Variants in RELL1 observed in about 807,000 individuals in gnomAD.
RELL1 encodes the protein RELT like 1.
A neutral mutation model predicts 23.0 loss-of-function variants in RELL1; 10 were observed. That is an observed-to-expected ratio of 0.43 (90% CI 0.27 to 0.74). RELL1 has a LOEUF of 0.74. Among genes scored for constraint, RELL1 ranks in the 30% least tolerant of loss-of-function variants. The probability of loss-of-function intolerance (pLI) is 0.19; values close to 1 mark genes in which losing one functional copy is unlikely to be tolerated. For missense variants in RELL1, 315 were observed against 364.4 expected, an observed-to-expected ratio of 0.86 and a Z score of 1.10; for synonymous variants, 146 against 146.8, an observed-to-expected ratio of 0.99 and a Z score of 0.04.
At chr4:37,684,272 C>T (rs536723204) in intron 1 of RELL1, among the ~76,000 whole-genome samples, 1 of 151,836 alleles carries the variant, frequency 6.6e-6, no homozygotes, top group South Asian at 2.1e-4. Flanking sequence ...TTACACACGC[C>T]TCAAGATACT....
intron 6 of RELL1, among the ~76,000 whole-genome samples, chr4:37,604,810 G>GACACACACACAGACACACACAC (rs1553871520): frequency 6.8e-5 from 5 of 73,598 alleles, no homozygotes; most frequent in East Asian, 9.1e-4. Flanking sequence ...CACACACACA[G>GACACACACACAGACACACACAC]ACACACACAC....
chr4:37,685,596 T>C (rs1334352975), intron 1 of RELL1, among the ~76,000 whole-genome samples: 1 of 152,178 alleles, frequency 6.6e-6, no homozygotes, highest in East Asian at 1.9e-4. Flanking sequence ...GAAAAAAATG[T>C]AAGTTTACCA....
intron 1 of RELL1, among the ~76,000 whole-genome samples, chr4:37,669,359 T>TG (rs948085961): frequency 8.7e-5 from 8 of 91,548 alleles, no homozygotes; most frequent in East Asian, 7.2e-4. Context: ...GGGAGGGAGG[T>TG]GGGGGGGTCA....
At chr4:37,643,318 G>A (rs1166906333) in intron 3 of RELL1, among the ~76,000 whole-genome samples, 1 of 152,214 alleles carries the variant, frequency 6.6e-6, no homozygotes, top group Non-Finnish European at 1.5e-5. Context: ...CATCCTTCAA[G>A]AGATATTTAT....
rs149046029 is a variant in RELL1, at chr4:37,628,516, T to C, written c.*3+2869A>G. Among the ~76,000 whole-genome samples the C allele has an allele frequency of 5.6e-3, 850 of 152,296 alleles. 14 individuals are homozygous for C. The highest frequency in any genetic ancestry group is 0.019 in the African/African-American group (805 of 41,572). ...GGACATCCATGATACTATTCTACTT[T>C]TGAGTTTAAAATTTTTCATAACGAA... On this transcript the variant is annotated intron_variant, in intron 6 of 6. Transcript: ENST00000454158.
intron 4 of RELL1, among the ~76,000 whole-genome samples, chr4:37,636,053 T>C (rs1720318128): frequency 6.6e-6 from 1 of 152,236 alleles, no homozygotes; most frequent in Admixed American, 6.5e-5. Flanking sequence ...TTAATCCTTA[T>C]AAAATCTTAT....
At chr4:37,595,950 A>G (rs1019830846) in intron 6 of RELL1, among the ~76,000 whole-genome samples, 1 of 152,230 alleles carries the variant, frequency 6.6e-6, no homozygotes, top group Non-Finnish European at 1.5e-5. Context: ...ATATTCGTGT[A>G]ATGACATCCA....
downstream of RELL1, chr4:37,588,837 C>G (rs777473074): frequency 2.5e-6 from 4 of 1,605,252 alleles, no homozygotes; most frequent in South Asian, 4.4e-5. Context: ...TTTACGCTTT[C>G]TTTTCCAGGT....
chr4:37,667,779 G>A (rs139959664), intron 1 of RELL1, among the ~76,000 whole-genome samples: 2 of 151,838 alleles, frequency 1.3e-5, no homozygotes, highest in African/African-American at 4.8e-5. Flanking sequence ...TAATTCTGCT[G>A]CCATTTGTAA....
At chr4:37,598,762 A>G (rs1718943334) in intron 6 of RELL1, among the ~76,000 whole-genome samples, 1 of 151,840 alleles carries the variant, frequency 6.6e-6, no homozygotes, top group Non-Finnish European at 1.5e-5. Flanking sequence ...TCAGCTCACT[A>G]TAACCTCTGC....
chr4:37,644,006 CAGG>C (rs1046522965), intron 3 of RELL1, among the ~76,000 whole-genome samples: 1 of 152,092 alleles, frequency 6.6e-6, no homozygotes, highest in African/African-American at 2.4e-5. Context: ...AAGGCATGGA[CAGG>C]AGAAGAGGGG....
At chr4:37,678,024 G>A (rs1455856811) in intron 1 of RELL1, among the ~76,000 whole-genome samples, 2 of 152,142 alleles carry the variant, frequency 1.3e-5, no homozygotes, top group African/African-American at 4.8e-5. Context: ...TAAAAAAAGA[G>A]GTTTAATTGG....
intron 6 of RELL1, 69 bp downstream of exon 6, chr4:37,631,316 G>A: frequency 1.3e-6 from 2 of 1,501,934 alleles, no homozygotes; most frequent in Non-Finnish European, 1.8e-6. Flanking sequence ...ACAGCACCTG[G>A]GAGGCTCCAA....
At chr4:37,617,930 T>A (rs1232677986) in intron 6 of RELL1, among the ~76,000 whole-genome samples, 2 of 152,186 alleles carry the variant, frequency 1.3e-5, no homozygotes, top group Admixed American at 6.5e-5. Context: ...TTATCACACC[T>A]GTTAAGGAAT....
intron 6 of RELL1, among the ~76,000 whole-genome samples, chr4:37,603,546 G>A (rs1719072779): frequency 6.6e-6 from 1 of 152,272 alleles, no homozygotes; most frequent in South Asian, 2.1e-4. Context: ...TAAATCGCGC[G>A]ACGCCATTTC....
At chr4:37,642,425 C>T (rs1212735816) in intron 3 of RELL1, among the ~76,000 whole-genome samples, 2 of 152,188 alleles carry the variant, frequency 1.3e-5, no homozygotes, top group Non-Finnish European at 2.9e-5. Flanking sequence ...ACTACCCAGA[C>T]ACGATTCAGT....
downstream of RELL1, chr4:37,590,798 C>G: frequency 6.2e-7 from 1 of 1,614,096 alleles, no homozygotes; most frequent in Non-Finnish European, 8.5e-7. Context: ...GATGTGGAAA[C>G]AGAAGTTCTA....
downstream of RELL1, among the ~76,000 whole-genome samples, chr4:37,608,974 A>G (rs912260001): frequency 6.6e-6 from 1 of 152,226 alleles, no homozygotes; most frequent in Non-Finnish European, 1.5e-5. Context: ...ATTATACAGA[A>G]GTACAAAGTG....
downstream of RELL1, among the ~76,000 whole-genome samples, chr4:37,609,361 AAAT>A (rs540576827): frequency 1.3e-4 from 20 of 152,364 alleles, no homozygotes; most frequent in South Asian, 3.9e-3. Flanking sequence ...ATTCCATTCA[AAAT>A]AATAACTCAT....
Sources: gnomAD v4.1 joint callset for allele counts (sites outside exome capture counted in the v4.1 genomes callset) on GRCh38, gnomAD v4.1.1 for gene constraint, MANE v1.5 for transcripts, NCBI Gene and HGNC (gene_info 2026-07-23, HGNC 2026-07-21) for gene names.